Variants in OIP5 observed in about 807,000 individuals in gnomAD.
The protein encoded by OIP5 is Opa interacting protein 5.
In OIP5, 24 loss-of-function variants were observed where a neutral mutation model predicts 20.3. That is an observed-to-expected ratio of 1.18 (90% CI 0.86 to 1.66). The LOEUF is 1.66. Ranked by LOEUF, OIP5 falls within the 40% of genes most tolerant of loss-of-function variation. The pLI is 0.00. For missense variants in OIP5, 339 were observed against 289.5 expected (o/e 1.17, Z -1.24); for synonymous variants, 143 against 121.3 (o/e 1.18, Z -1.17).
chr15:41,323,160 A>T (rs2047840745), intron 2 of OIP5, among the ~76,000 whole-genome samples: 1 of 152,182 alleles, frequency 6.6e-6, no homozygotes. Flanking sequence ...ATTCAGACAA[A>T]GCACAGTACT....
At chr15:41,329,287 C>G (rs2047882143) in intron 2 of OIP5, among the ~76,000 whole-genome samples, 1 of 150,680 alleles carries the variant, frequency 6.6e-6, no homozygotes, top group South Asian at 2.1e-4. Context: ...TCCACAAATA[C>G]AGAAACACAT....
At chr15:41,321,786 C>T (rs1202776832) in intron 2 of OIP5, among the ~76,000 whole-genome samples, 8 of 151,164 alleles carry the variant, frequency 5.3e-5, no homozygotes, top group African/African-American at 1.5e-4. Context: ...ACAAACACTG[C>T]GGAAGGCCGC....
chr15:41,328,155 G>GT (rs2047873366), intron 2 of OIP5, among the ~76,000 whole-genome samples: 1 of 152,186 alleles, frequency 6.6e-6, no homozygotes, highest in Non-Finnish European at 1.5e-5. Flanking sequence ...GTAATTTCAG[G>GT]TATCTGCTTC....
At chr15:41,324,289 C>T (rs2047848151) in intron 2 of OIP5, among the ~76,000 whole-genome samples, 1 of 152,070 alleles carries the variant, frequency 6.6e-6, no homozygotes, top group Admixed American at 6.6e-5. Flanking sequence ...GCCATTGCAC[C>T]GAGCCAACAT....
chr15:41,331,291 C>G (rs1418467007), intron 2 of OIP5, among the ~76,000 whole-genome samples: 1 of 152,212 alleles, frequency 6.6e-6, no homozygotes, highest in Non-Finnish European at 1.5e-5. Flanking sequence ...ACATAACATT[C>G]TAGTTGTGTT....
chr15:41,329,049 G>C (rs1275722046), intron 2 of OIP5, among the ~76,000 whole-genome samples: 7 of 106,190 alleles, frequency 6.6e-5, no homozygotes, highest in Non-Finnish European at 1.0e-4. Context: ...CTGGGTCAGA[G>C]CAAGACTCCA....
intron 3 of OIP5, among the ~76,000 whole-genome samples, chr15:41,313,594 A>G (rs1257869771): frequency 6.6e-6 from 1 of 152,190 alleles, no homozygotes; most frequent in Admixed American, 6.5e-5. Flanking sequence ...TGTACTGAAC[A>G]GGTACACTCT....
intron 2 of OIP5, among the ~76,000 whole-genome samples, chr15:41,329,610 G>A (rs1403944514): frequency 1.3e-5 from 2 of 151,840 alleles, no homozygotes; most frequent in African/African-American, 2.4e-5. Context: ...CACTGCACCT[G>A]GCCTTCCTCC....
intron 4 of OIP5, among the ~76,000 whole-genome samples, chr15:41,310,776 A>G (rs1412737940): frequency 6.6e-6 from 1 of 152,206 alleles, no homozygotes; most frequent in African/African-American, 2.4e-5. Context: ...TCCAGTGGCA[A>G]GAATTTAGCT....
At chr15:41,321,612 C>CTATG (rs2047829245) in intron 2 of OIP5, among the ~76,000 whole-genome samples, 1 of 150,820 alleles carries the variant, frequency 6.6e-6, no homozygotes, top group African/African-American at 2.4e-5. Flanking sequence ...TCCTGTTGAT[C>CTATG]TATGACCTTA....
intron 2 of OIP5, among the ~76,000 whole-genome samples, chr15:41,330,884 T>C (rs2047898128): frequency 6.6e-6 from 1 of 152,168 alleles, no homozygotes; most frequent in African/African-American, 2.4e-5. Flanking sequence ...CAAGAGCACA[T>C]TCAGGAACCT....
intron 2 of OIP5, among the ~76,000 whole-genome samples, chr15:41,329,961 T>C (rs1049573589): frequency 6.6e-5 from 10 of 152,168 alleles, no homozygotes; most frequent in African/African-American, 2.4e-4. Flanking sequence ...CCTCCCAAAG[T>C]GCTGGGATTA....
At chr15:41,327,774 C>A (rs2047871289) in intron 2 of OIP5, among the ~76,000 whole-genome samples, 2 of 151,380 alleles carry the variant, frequency 1.3e-5, no homozygotes, top group Admixed American at 1.3e-4. Flanking sequence ...GGCTACAGAG[C>A]AAGACTCCAT....
chr15:41,314,227 G>A (rs1033772522), intron 3 of OIP5, among the ~76,000 whole-genome samples: 3 of 151,912 alleles, frequency 2.0e-5, no homozygotes, highest in Admixed American at 6.6e-5. Flanking sequence ...GCAGCCTCCC[G>A]AGTAGCTGGG....
intron 2 of OIP5, among the ~76,000 whole-genome samples, chr15:41,329,788 G>A (rs1226954366): frequency 2.0e-5 from 3 of 150,206 alleles, no homozygotes; most frequent in South Asian, 2.1e-4. Context: ...TGCAACCCCC[G>A]CCTACCAGAT....
chr15:41,331,123 G>C (rs1034077619), intron 2 of OIP5, among the ~76,000 whole-genome samples: 1 of 152,194 alleles, frequency 6.6e-6, no homozygotes, highest in Non-Finnish European at 1.5e-5. Context: ...TAACCGTAAC[G>C]TTGAATCAAA....
chr15:41,319,583 AATTT>A (rs2047810014), intron 3 of OIP5, 71 bp downstream of exon 3: 1 of 1,487,388 alleles, frequency 6.7e-7, no homozygotes, highest in South Asian at 1.3e-5. Context: ...AACCTTTTAA[AATTT>A]ATTTGATGGA....
At chr15:41,315,992 G>A (rs1030558613) in intron 3 of OIP5, among the ~76,000 whole-genome samples, 1 of 152,108 alleles carries the variant, frequency 6.6e-6, no homozygotes, top group African/African-American at 2.4e-5. Context: ...GCCAGACATG[G>A]TGGCGGGCGC....
At chr15:41,330,289 G>A (rs58910172) in intron 2 of OIP5, among the ~76,000 whole-genome samples, 12,819 of 151,592 alleles carry the variant, frequency 0.085, 686 homozygotes, top group East Asian at 0.16. Context: ...AGTAGAGACA[G>A]GGTTTCTCCA....
Sources: gnomAD v4.1 joint callset for allele counts (sites outside exome capture counted in the v4.1 genomes callset) on GRCh38, gnomAD v4.1.1 for gene constraint, MANE v1.5 for transcripts, NCBI Gene and HGNC (gene_info 2026-07-23, HGNC 2026-07-21) for gene names.